CADM2: variants seen among roughly 807,000 people sequenced by gnomAD.
CADM2 encodes the protein immunoglobulin superfamily member 4D.
CADM2 carries 12 observed loss-of-function variants against 49.8 expected under a neutral mutation model. The ratio of observed to expected loss-of-function variants is 0.24; its 90% confidence interval spans 0.15 to 0.39. The LOEUF (loss-of-function observed/expected upper bound fraction) is 0.39. CADM2 is among the 10% of genes least tolerant of loss of function. The pLI, the probability that CADM2 is intolerant of heterozygous loss-of-function variation, is 1.00. For synonymous variants in CADM2, 214 were observed against 175.4 expected, an observed-to-expected ratio of 1.22 and a Z score of -1.74; for missense variants, 378 against 492.3, an observed-to-expected ratio of 0.77 and a Z score of 2.20.
chr3:85,536,018 T>C (rs1320316997), intron 1 of CADM2, among the ~76,000 whole-genome samples: 1 of 152,024 alleles, frequency 6.6e-6, no homozygotes, highest in African/African-American at 2.4e-5. Context: ...AGCAATGCCA[T>C]AGGAAATTGT....
At chr3:85,177,885 A>G (rs889347354) in intron 1 of CADM2, among the ~76,000 whole-genome samples, 7 of 151,962 alleles carry the variant, frequency 4.6e-5, no homozygotes, top group Non-Finnish European at 8.8e-5. Context: ...TATACACACT[A>G]CAAGAACACT....
At chr3:85,815,319 T>G (rs571703287) in intron 3 of CADM2, among the ~76,000 whole-genome samples, 49 of 152,282 alleles carry the variant, frequency 3.2e-4, no homozygotes, top group Middle Eastern at 3.4e-3. Flanking sequence ...CCAATATCCC[T>G]GATGAACATC....
At chr3:85,401,425 T>C (rs991284841) in intron 1 of CADM2, among the ~76,000 whole-genome samples, 2 of 152,130 alleles carry the variant, frequency 1.3e-5, no homozygotes, top group African/African-American at 4.8e-5. Flanking sequence ...ATCACTGTTC[T>C]GCAGATGGCT....
At chr3:85,104,099 G>A (rs1201217606) in intron 1 of CADM2, among the ~76,000 whole-genome samples, 4 of 151,804 alleles carry the variant, frequency 2.6e-5, no homozygotes, top group African/African-American at 9.7e-5. Context: ...TGCTTTTGGT[G>A]TTTTAGACAT....
At chr3:85,034,440 T>C (rs2107339168) in intron 1 of CADM2, among the ~76,000 whole-genome samples, 1 of 152,316 alleles carries the variant, frequency 6.6e-6, no homozygotes, top group African/African-American at 2.4e-5. Context: ...CATTCTTTTT[T>C]ACGGCTAAAT....
chr3:85,290,151 T>A (rs1471865850), intron 1 of CADM2, among the ~76,000 whole-genome samples: 1 of 152,070 alleles, frequency 6.6e-6, no homozygotes, highest in Non-Finnish European at 1.5e-5. Context: ...GTCAGGGAGT[T>A]CCCTTTCCGA....
chr3:85,107,446 A>G (rs966409204), intron 1 of CADM2, among the ~76,000 whole-genome samples: 3 of 152,244 alleles, frequency 2.0e-5, no homozygotes, highest in Admixed American at 6.5e-5. Flanking sequence ...AAAACAAAGC[A>G]AAACATAAAA....
At chr3:86,054,966 T>C (rs1473660688) in intron 8 of CADM2, among the ~76,000 whole-genome samples, 1 of 152,150 alleles carries the variant, frequency 6.6e-6, no homozygotes, top group Non-Finnish European at 1.5e-5. Flanking sequence ...GTGAAGAGTT[T>C]GGTATTGTTG....
intron 1 of CADM2, among the ~76,000 whole-genome samples, chr3:85,155,423 C>T (rs1479070926): frequency 1.3e-5 from 2 of 152,034 alleles, no homozygotes; most frequent in Non-Finnish European, 2.9e-5. Context: ...AATACAGGAG[C>T]ACCCAGATTC....
chr3:85,074,765 A>C (rs552274107), intron 1 of CADM2, among the ~76,000 whole-genome samples: 1 of 152,212 alleles, frequency 6.6e-6, no homozygotes, highest in African/African-American at 2.4e-5. Flanking sequence ...AGCATTGGAG[A>C]GGGAGTCAGG....
intron 1 of CADM2, among the ~76,000 whole-genome samples, chr3:85,266,573 T>A (rs2326266): frequency 0.47 from 71,471 of 151,152 alleles, 17,194 homozygotes; most frequent in Admixed American, 0.58. Context: ...GATAAGGTGA[T>A]AATGAAGAAT....
At chr3:85,261,478 A>C (rs943125823) in intron 1 of CADM2, among the ~76,000 whole-genome samples, 22 of 152,058 alleles carry the variant, frequency 1.4e-4, no homozygotes, top group African/African-American at 5.1e-4. Flanking sequence ...CTACTCAGTT[A>C]AGTGTAACAC....
chr3:85,051,986 A>C (rs1211349090), intron 1 of CADM2, among the ~76,000 whole-genome samples: 1 of 152,114 alleles, frequency 6.6e-6, no homozygotes, highest in Non-Finnish European at 1.5e-5. Flanking sequence ...TGGAAGTTGC[A>C]ATGTAATTGG....
chr3:85,164,450 C>T (rs1212035336), intron 1 of CADM2, among the ~76,000 whole-genome samples: 1 of 152,026 alleles, frequency 6.6e-6, no homozygotes. Flanking sequence ...TAACCCTATC[C>T]CTTGCCCTCA....
intron 1 of CADM2, among the ~76,000 whole-genome samples, chr3:85,432,488 G>T (rs1440296436): frequency 6.6e-6 from 1 of 152,074 alleles, no homozygotes. Flanking sequence ...GGGTTTGAAT[G>T]GTTGAATTTT....
At chr3:85,724,063 A>G (rs2107775770) in intron 1 of CADM2, among the ~76,000 whole-genome samples, 1 of 152,164 alleles carries the variant, frequency 6.6e-6, no homozygotes, top group Admixed American at 6.5e-5. Context: ...AAAAAGGAAA[A>G]TAATTTTAAA....
chr3:85,135,102 C>A (rs775209093), intron 1 of CADM2, among the ~76,000 whole-genome samples: 1 of 151,620 alleles, frequency 6.6e-6, no homozygotes, highest in Non-Finnish European at 1.5e-5. Context: ...ATATAAAATG[C>A]AAAACAATGG....
intron 8 of CADM2, chr3:86,013,482 G>A (rs1731808234): frequency 6.2e-7 from 1 of 1,601,446 alleles, no homozygotes; most frequent in African/African-American, 1.3e-5. Flanking sequence ...TGGTGAAGAG[G>A]TTCTGAGAAA....
chr3:85,732,889 C>A (rs1306115637), intron 2 of CADM2, among the ~76,000 whole-genome samples: 1 of 152,182 alleles, frequency 6.6e-6, no homozygotes, highest in Non-Finnish European at 1.5e-5. Flanking sequence ...AGCTTTTAAT[C>A]TATTAAATCC....
Sources: gnomAD v4.1 joint callset for allele counts (sites outside exome capture counted in the v4.1 genomes callset) on GRCh38, gnomAD v4.1.1 for gene constraint, MANE v1.5 for transcripts, NCBI Gene and HGNC (gene_info 2026-07-23, HGNC 2026-07-21) for gene names.